Variants in RBFOX1 observed in about 807,000 individuals in gnomAD.
RBFOX1 encodes RNA binding fox-1 homolog 1, also known as RNA binding protein fox-1 homolog 1.
In RBFOX1, 8 loss-of-function variants were observed where a neutral mutation model predicts 57.7. The ratio of observed to expected loss-of-function variants is 0.14; its 90% CI spans 0.08 to 0.25. The LOEUF (loss-of-function observed/expected upper bound fraction) is 0.25, where lower values mean the gene tolerates loss of function less well. RBFOX1 is among the 10% of genes least tolerant of loss of function. The pLI, the probability that RBFOX1 is intolerant of heterozygous loss-of-function variation, is 1.00. For missense variants in RBFOX1, 611 were observed against 548.5 expected (o/e 1.11, Z -1.14); for synonymous variants, 326 against 222.4 (o/e 1.47, Z -4.15).
rs1043067457 is a variant in RBFOX1, at chr16:7,423,183, C to T, written c.28-94964C>T. On this transcript the variant is annotated intron_variant, in intron 4 of 15. Coordinates refer to ENST00000550418, the MANE Select transcript of RBFOX1 (RefSeq NM_018723.4). ...AGCCCTGCTGTATTTTAATCATAGACTTGGCCTTCTTTTAGGAGTGACCCA... is the reference window on the plus strand; with the variant it reads ...AGCCCTGCTGTATTTTAATCATAGATTTGGCCTTCTTTTAGGAGTGACCCA... Among the ~76,000 whole-genome samples the T allele has an allele frequency of 2.3e-4, 35 of 152,038 alleles. 1 individual carries two copies. Among genetic ancestry groups the T allele is most frequent in the Admixed American group, 2.2e-3 (34 of 15,272 alleles).
At chr16:7,253,747 C>G (rs2094573288) in intron 4 of RBFOX1, among the ~76,000 whole-genome samples, 1 of 152,168 alleles carries the variant, frequency 6.6e-6, no homozygotes, top group Non-Finnish European at 1.5e-5. Flanking sequence ...TATGGAGCCT[C>G]TCGTTACTTA....
intron 1 of RBFOX1, among the ~76,000 whole-genome samples, chr16:5,340,167 G>T (rs1224213485): frequency 6.6e-6 from 1 of 152,144 alleles, no homozygotes. Context: ...GCTTAAGGCT[G>T]AATTATGACA....
chr16:6,825,676 G>A (rs970989842), intron 3 of RBFOX1, among the ~76,000 whole-genome samples: 16 of 152,138 alleles, frequency 1.1e-4, no homozygotes, highest in Non-Finnish European at 1.5e-4. Context: ...GTCTTGGATA[G>A]GTAACACAAG....
chr16:5,645,275 C>A (rs200189768), intron 3 of RBFOX1, among the ~76,000 whole-genome samples: 8 of 148,232 alleles, frequency 5.4e-5, no homozygotes, highest in African/African-American at 1.8e-4. Flanking sequence ...GAAACAAAAA[C>A]AAAAAAAAAA....
chr16:5,374,896 G>A (rs1442508639), intron 1 of RBFOX1, among the ~76,000 whole-genome samples: 1 of 151,794 alleles, frequency 6.6e-6, no homozygotes, highest in African/African-American at 2.4e-5. Context: ...AATATACTCA[G>A]TTTTGCTACT....
chr16:7,018,333 G>A (rs1344928860), intron 3 of RBFOX1, among the ~76,000 whole-genome samples: 3 of 152,078 alleles, frequency 2.0e-5, no homozygotes, highest in African/African-American at 7.2e-5. Context: ...CTAACCTCCG[G>A]GAGTTGTTTC....
chr16:6,887,605 T>G (rs1322934431), intron 3 of RBFOX1, among the ~76,000 whole-genome samples: 1 of 152,074 alleles, frequency 6.6e-6, no homozygotes, highest in Admixed American at 6.6e-5. Context: ...ATAGAGGTCT[T>G]CAGGAAGTTA....
chr16:7,123,229 A>G (rs2067610289), intron 4 of RBFOX1, among the ~76,000 whole-genome samples: 1 of 152,226 alleles, frequency 6.6e-6, no homozygotes, highest in Non-Finnish European at 1.5e-5. Flanking sequence ...CCCATAGATT[A>G]TATGAGGATA....
chr16:7,524,408 C>T (rs1025632172), intron 5 of RBFOX1, among the ~76,000 whole-genome samples: 1 of 152,118 alleles, frequency 6.6e-6, no homozygotes, highest in African/African-American at 2.4e-5. Flanking sequence ...ATGTAGGCCT[C>T]CAAACATATC....
intron 3 of RBFOX1, among the ~76,000 whole-genome samples, chr16:6,688,657 A>T (rs561088929): frequency 6.6e-6 from 1 of 152,246 alleles, no homozygotes; most frequent in South Asian, 2.1e-4. Flanking sequence ...TTATTATTAT[A>T]CTTTAAGTTC....
rs548233564 is a variant in RBFOX1, at chr16:6,141,295, G to A, written c.-127+121303G>A. Among the ~76,000 whole-genome samples, 16 of 152,254 alleles carry A rather than the reference G, an allele frequency of 1.1e-4. No homozygotes were observed. In the South Asian group the frequency reaches 3.1e-3, roughly 30 times the overall value. ...TAACACTTTATGAGATAAAAATGAG[G>A]GTTGTTCTTTTACAAGGGCGATACG... On this transcript the variant is annotated intron_variant, in intron 1 of 15. Transcript: ENST00000550418.
At chr16:6,948,944 G>A (rs2080134833) in intron 3 of RBFOX1, among the ~76,000 whole-genome samples, 1 of 152,168 alleles carries the variant, frequency 6.6e-6, no homozygotes, top group Non-Finnish European at 1.5e-5. Flanking sequence ...CCTACGTTGT[G>A]TGGACGAGTT....
intron 4 of RBFOX1, among the ~76,000 whole-genome samples, chr16:7,308,088 C>G (rs529590501): frequency 2.8e-4 from 42 of 152,138 alleles, no homozygotes; most frequent in African/African-American, 9.9e-4. Flanking sequence ...ATTTTGTTTT[C>G]CTGATAGAGA....
intron 1 of RBFOX1, among the ~76,000 whole-genome samples, chr16:5,396,048 A>T (rs936603244): frequency 6.6e-6 from 1 of 152,208 alleles, no homozygotes; most frequent in African/African-American, 2.4e-5. Flanking sequence ...CAACTAAGCC[A>T]TGCCTAGACC....
Position 7,615,979 on chromosome 16 carries a change from C to G in RBFOX1, c.676+8641C>G, listed in dbSNP as rs149244662. ...CTAATAATGTATGAACAGCTGCAGT[C>G]ATCAATGGCAGTCAAAGAATTTGAA... On this transcript the variant is annotated intron_variant, in intron 10 of 15. Coordinates refer to ENST00000550418, the MANE Select transcript of RBFOX1 (RefSeq NM_018723.4). 5.9e-5 allele frequency among the ~76,000 whole-genome samples: 9 copies of G among 152,314 alleles called. No homozygotes were observed. In the East Asian group the frequency reaches 1.7e-3, roughly 29 times the overall value.
At chr16:5,464,272 C>G (rs2068885790) in intron 1 of RBFOX1, among the ~76,000 whole-genome samples, 1 of 152,236 alleles carries the variant, frequency 6.6e-6, no homozygotes, top group Non-Finnish European at 1.5e-5. Flanking sequence ...ACTGCACAGT[C>G]AGGGGTCCCC....
intron 1 of RBFOX1, among the ~76,000 whole-genome samples, chr16:6,197,444 C>T (rs2152822577): frequency 6.6e-6 from 1 of 152,230 alleles, no homozygotes; most frequent in East Asian, 1.9e-4. Context: ...TGGGGACCTG[C>T]AAGCCAACAC....
intron 2 of RBFOX1, among the ~76,000 whole-genome samples, chr16:6,588,300 C>G (rs973761790): frequency 6.6e-6 from 1 of 151,802 alleles, no homozygotes; most frequent in African/African-American, 2.4e-5. Flanking sequence ...AATGTAGATA[C>G]TAACTGGAAC....
intron 4 of RBFOX1, among the ~76,000 whole-genome samples, chr16:7,139,212 G>T (rs1356034173): frequency 1.4e-5 from 2 of 147,370 alleles, no homozygotes; most frequent in African/African-American, 2.5e-5. Context: ...GTGTGTGTTT[G>T]TGTGTGTGTG....
Sources: allele counts gnomAD v4.1 joint callset (sites outside exome capture counted in the v4.1 genomes callset), GRCh38; gene constraint gnomAD v4.1.1; transcripts MANE v1.5; gene names NCBI Gene and HGNC (gene_info 2026-07-23, HGNC 2026-07-21).